The following CENPP variants were observed in gnomAD, a reference collection of about 807,000 sequenced individuals.
CENPP encodes centromere protein P.
A neutral mutation model predicts 35.6 loss-of-function variants in CENPP; 24 were observed. The ratio of observed to expected loss-of-function variants is 0.67; its 90% CI spans 0.49 to 0.95. The LOEUF (loss-of-function observed/expected upper bound fraction) is 0.95. Among genes scored for constraint, CENPP ranks in the 40% least tolerant of loss-of-function variants. The pLI is 0.00. For missense variants in CENPP, 332 were observed against 345.3 expected, an observed-to-expected ratio of 0.96 and a Z score of 0.31; for synonymous variants, 120 against 125.5, an observed-to-expected ratio of 0.96 and a Z score of 0.29.
At chr9:92,395,026 T>C (rs1180864961) in intron 5 of CENPP, among the ~76,000 whole-genome samples, 1 of 152,200 alleles carries the variant, frequency 6.6e-6, no homozygotes, top group Non-Finnish European at 1.5e-5. Context: ...AGCTTTTTTT[T>C]CCTGCTACAG....
At position 92,416,692 on chromosome 9, in the gene CENPP, G is replaced by T; in HGVS notation, c.564+36833G>T. The T allele has an allele frequency of 6.2e-7, 1 of 1,611,816 alleles. No homozygotes were observed. Among genetic ancestry groups the T allele is most frequent in the Non-Finnish European group, 8.5e-7 (1 of 1,179,330 alleles). On this transcript the variant is annotated intron_variant, in intron 5 of 7. Transcript: ENST00000375587. Reference sequence around the variant, plus strand: ...TATAGAATGCTTGCTTCAATTTGTTGTGTCCAACACTGAGTTCTACAATGT... The same window carrying T: ...TATAGAATGCTTGCTTCAATTTGTTTTGTCCAACACTGAGTTCTACAATGT...
At chr9:92,582,795 G>A (rs1850459411) in intron 5 of CENPP, among the ~76,000 whole-genome samples, 1 of 152,134 alleles carries the variant, frequency 6.6e-6, no homozygotes, top group Admixed American at 6.5e-5. Flanking sequence ...GAAGGGCACT[G>A]AAGAATATCC....
chr9:92,424,579 T>C (rs1843909904), intron 5 of CENPP: 1 of 152,168 alleles, frequency 6.6e-6, no homozygotes, highest in Admixed American at 6.5e-5. Flanking sequence ...CTGATTACTG[T>C]TTTTATTTTC....
At chr9:92,610,941 C>T (rs146849509) in intron 5 of CENPP, 74 of 259,090 alleles carry the variant, frequency 2.9e-4, no homozygotes, top group African/African-American at 1.4e-3. Context: ...CTGACGCATC[C>T]GCTTGGGGAA....
At chr9:92,589,789 C>G (rs1462749587) in intron 5 of CENPP, among the ~76,000 whole-genome samples, 1 of 152,112 alleles carries the variant, frequency 6.6e-6, no homozygotes, top group African/African-American at 2.4e-5. Flanking sequence ...AATGATAGTT[C>G]AAATTGTTGT....
At position 92,386,133 on chromosome 9, in the gene CENPP, C is replaced by T. The variant is rs1056418050; in HGVS notation, c.564+6274C>T. The T allele has an allele frequency of 1.1e-5, 13 of 1,188,702 alleles. No homozygotes were observed. The African/African-American group carries it at 1.7e-4, about 15-fold the overall frequency. The allele number at this position is 1,188,702 out of a possible 1,614,324, so 73.6% of individuals were successfully genotyped here. ...AATTTGTATGTGAATAAGTGAGGTT[C>T]CCAATGAGTCACAAGATTTTGACTC... is the stretch of plus-strand genomic sequence containing the variant. On this transcript the variant is annotated intron_variant, in intron 5 of 7. Coordinates refer to ENST00000375587, the MANE Select transcript of CENPP (RefSeq NM_001012267.3).
intron 5 of CENPP, among the ~76,000 whole-genome samples, chr9:92,444,578 G>A (rs1844503799): frequency 6.6e-6 from 1 of 152,084 alleles, no homozygotes; most frequent in South Asian, 2.1e-4. Context: ...AAACTCATGA[G>A]TATTTATGTC....
intron 5 of CENPP, among the ~76,000 whole-genome samples, chr9:92,541,427 GCCCACACC>G (rs1849317532): frequency 5.9e-5 from 1 of 16,956 alleles, no homozygotes; most frequent in Non-Finnish European, 1.2e-4. Context: ...TCCCCACCCC[GCCCACACC>G]CCCACACCCC....
At chr9:92,453,301 C>G (rs1451855023) in intron 5 of CENPP, among the ~76,000 whole-genome samples, 1 of 152,224 alleles carries the variant, frequency 6.6e-6, no homozygotes, top group East Asian at 1.9e-4. Context: ...TATGTTGTGT[C>G]TTTGTTCTCA....
chr9:92,470,625 G>T, intron 5 of CENPP: 1 of 1,033,334 alleles, frequency 9.7e-7, no homozygotes, highest in Non-Finnish European at 1.4e-6. Context: ...CAAAGATACA[G>T]AGTTTTCACT....
intron 5 of CENPP, among the ~76,000 whole-genome samples, chr9:92,520,129 A>G (rs1341958073): frequency 6.7e-6 from 1 of 150,026 alleles, no homozygotes; most frequent in Non-Finnish European, 1.5e-5. Context: ...AGAAAAAGTT[A>G]AAAAGTTAGC....
At chr9:92,326,705 G>A (rs747031386) in intron 1 of CENPP, among the ~76,000 whole-genome samples, 8 of 152,156 alleles carry the variant, frequency 5.3e-5, no homozygotes, top group Non-Finnish European at 1.0e-4. Flanking sequence ...GAGATGGATT[G>A]GGACCCAAAA....
In CENPP at chr9:92,336,139, G is replaced by T. The variant is rs552365213; in HGVS notation, c.290-1402G>T. On this transcript the variant is annotated intron_variant, in intron 2 of 7. Transcript: ENST00000375587. Reference sequence around the variant, plus strand: ...ACATAGACATATTTGAAGACCACTTGTATTATAGATTGTTCTTCAATCTCT... The same window carrying T: ...ACATAGACATATTTGAAGACCACTTTTATTATAGATTGTTCTTCAATCTCT... Among the ~76,000 whole-genome samples, 6 of 152,250 alleles carry T rather than the reference G, an allele frequency of 3.9e-5. No homozygotes were observed. In the East Asian group the frequency reaches 1.2e-3, roughly 29 times the overall value.
intron 4 of CENPP, among the ~76,000 whole-genome samples, chr9:92,367,235 C>G (rs761388901): frequency 1.3e-5 from 2 of 152,098 alleles, no homozygotes; most frequent in African/African-American, 2.4e-5. Flanking sequence ...GGCACAATCT[C>G]GGCTCACTAC....
At chr9:92,373,253 T>G (rs1842050066) in intron 4 of CENPP, among the ~76,000 whole-genome samples, 1 of 152,006 alleles carries the variant, frequency 6.6e-6, no homozygotes, top group South Asian at 2.1e-4. Flanking sequence ...TGAGACCCCA[T>G]GTCTTTTTAT....
Position 92,618,600 on chromosome 9 carries a change from G to T in CENPP, c.*5451G>T. On this transcript the variant is annotated 3_prime_UTR_variant, in exon 8 of 8. Coordinates refer to ENST00000375587, the MANE Select transcript of CENPP (RefSeq NM_001012267.3). Reference sequence around the variant, plus strand: ...ACACCACCAGCTTAATCCAGTTAAGGAATTCCTCATAACTTAGCCCTGTAG... The same window carrying T: ...ACACCACCAGCTTAATCCAGTTAAGTAATTCCTCATAACTTAGCCCTGTAG... 2.2e-6 allele frequency: 1 copy of T among 456,360 alleles called. No individual in the cohort carries two copies. Among genetic ancestry groups the T allele is most frequent in the Non-Finnish European group, 4.4e-6 (1 of 226,674 alleles). 28.3% of individuals were successfully genotyped at this position (456,360 alleles called of 1,614,324 possible).
intron 4 of CENPP, among the ~76,000 whole-genome samples, chr9:92,379,185 A>T (rs553994649): frequency 6.6e-6 from 1 of 152,344 alleles, no homozygotes; most frequent in East Asian, 1.9e-4. Context: ...GGGGTTGGGG[A>T]GACAGAGATT....
intron 5 of CENPP, among the ~76,000 whole-genome samples, chr9:92,607,537 T>C (rs1381063792): frequency 6.6e-6 from 1 of 152,224 alleles, no homozygotes; most frequent in Admixed American, 6.5e-5. Context: ...CATTGAATTA[T>C]ACACTTTAAA....
rs560675599 is a variant in CENPP at position 92,581,016 on chromosome 9, G to A, written c.565-30298G>A. Among the ~76,000 whole-genome samples the A allele has an allele frequency of 1.4e-4, 21 of 152,050 alleles. 1 individual carries two copies. In the South Asian group the frequency reaches 4.4e-3, roughly 32 times the overall value. ...GGTATGTTGTGTCTTTATTCTCGTTGGTTTCAAAGAACATCTTTATTTCTG... is the reference window on the plus strand; with the variant it reads ...GGTATGTTGTGTCTTTATTCTCGTTAGTTTCAAAGAACATCTTTATTTCTG... On this transcript the variant is annotated intron_variant, in intron 5 of 7. Transcript: ENST00000375587.
Sources: gnomAD v4.1 joint callset for allele counts (sites outside exome capture counted in the v4.1 genomes callset) on GRCh38, gnomAD v4.1.1 for gene constraint, MANE v1.5 for transcripts, NCBI Gene and HGNC (gene_info 2026-07-23, HGNC 2026-07-21) for gene names.